The following RARB variants were observed in gnomAD, a reference collection of about 807,000 sequenced individuals.
The protein encoded by RARB is HBV-activated protein.
RARB carries 17 observed loss-of-function variants against 51.9 expected under a neutral mutation model. That is an observed-to-expected ratio of 0.33 (90% CI 0.22 to 0.49). The LOEUF (loss-of-function observed/expected upper bound fraction) is 0.49, where lower values mean the gene tolerates loss of function less well. RARB is among the 20% of genes least tolerant of loss of function. The probability of loss-of-function intolerance (pLI) is 0.99; values close to 1 mark genes in which losing one functional copy is unlikely to be tolerated. For missense variants in RARB, 369 were observed against 550.8 expected (o/e 0.67, Z 3.30); for synonymous variants, 215 against 195.4 (o/e 1.10, Z -0.84).
chr3:25,576,045 C>T (rs1280829983), intron 4 of RARB, among the ~76,000 whole-genome samples: 1 of 149,466 alleles, frequency 6.7e-6, no homozygotes, highest in East Asian at 2.1e-4. Context: ...TAAGTACCCA[C>T]ATTCTTCCTC....
At chr3:25,412,898 A>G (rs1655467465) in intron 5 of RARB, among the ~76,000 whole-genome samples, 2 of 152,102 alleles carry the variant, frequency 1.3e-5, no homozygotes, top group South Asian at 4.1e-4. Context: ...GCATGCCTGT[A>G]ATCCCACCTA....
chr3:25,457,885 C>T (rs1694995481), intron 1 of RARB, among the ~76,000 whole-genome samples: 1 of 152,164 alleles, frequency 6.6e-6, no homozygotes, highest in African/African-American at 2.4e-5. Context: ...CGCTCCCCAC[C>T]TTCCTTCTGT....
intron 3 of RARB, among the ~76,000 whole-genome samples, chr3:25,092,968 A>G (rs892647018): frequency 4.6e-4 from 70 of 152,188 alleles, no homozygotes; most frequent in African/African-American, 1.7e-3. Context: ...AGGGGAATTT[A>G]AATTATGATA....
At chr3:25,154,257 C>T (rs1334861829) in intron 4 of RARB, among the ~76,000 whole-genome samples, 2 of 152,210 alleles carry the variant, frequency 1.3e-5, no homozygotes, top group East Asian at 1.9e-4. Context: ...TCCAAAACTA[C>T]GTTCATCCTT....
intron 3 of RARB, among the ~76,000 whole-genome samples, chr3:25,556,699 G>A (rs1700073129): frequency 6.6e-6 from 1 of 152,240 alleles, no homozygotes; most frequent in South Asian, 2.1e-4. Context: ...GCTGCTGTAA[G>A]AATTAAATGA....
intron 3 of RARB, among the ~76,000 whole-genome samples, chr3:25,127,362 C>G (rs2125331510): frequency 6.6e-6 from 1 of 152,264 alleles, no homozygotes; most frequent in South Asian, 2.1e-4. Context: ...TCCTTCCTGC[C>G]TTGGAGCTTT....
At chr3:25,570,743 T>C (rs1373387928) in intron 4 of RARB, among the ~76,000 whole-genome samples, 1 of 152,224 alleles carries the variant, frequency 6.6e-6, no homozygotes, top group East Asian at 1.9e-4. Context: ...ACTCAGTAGA[T>C]ATTTGATGAA....
intron 2 of RARB, among the ~76,000 whole-genome samples, chr3:25,053,080 C>G (rs139053971): frequency 6.6e-6 from 1 of 152,024 alleles, no homozygotes; most frequent in African/African-American, 2.4e-5. Flanking sequence ...TGGAAAGTAT[C>G]CTTAAGGAAA....
chr3:25,248,761 G>A (rs1595161), intron 5 of RARB, among the ~76,000 whole-genome samples: 63,672 of 151,864 alleles, frequency 0.42, 14,933 homozygotes, highest in African/African-American at 0.64. Context: ...GTATCATTCT[G>A]TTATCTCCTG....
At chr3:25,063,262 C>A (rs1478271480) in intron 3 of RARB, among the ~76,000 whole-genome samples, 1 of 151,978 alleles carries the variant, frequency 6.6e-6, no homozygotes, top group Non-Finnish European at 1.5e-5. Flanking sequence ...TTATTCCCCT[C>A]TCAATTTTGC....
At chr3:25,188,281 G>C (rs960935481) in intron 5 of RARB, among the ~76,000 whole-genome samples, 1 of 152,040 alleles carries the variant, frequency 6.6e-6, no homozygotes, top group African/African-American at 2.4e-5. Context: ...AGAGCTTGGT[G>C]CTTGGCACAT....
chr3:25,297,122 C>T (rs1000694826), intron 5 of RARB, among the ~76,000 whole-genome samples: 2 of 152,114 alleles, frequency 1.3e-5, no homozygotes, highest in Admixed American at 1.3e-4. Flanking sequence ...TCAGGAAATC[C>T]ATGAACTCTG....
chr3:25,563,918 T>C (rs1399075128), intron 3 of RARB, among the ~76,000 whole-genome samples: 1 of 150,614 alleles, frequency 6.6e-6, no homozygotes, highest in Non-Finnish European at 1.5e-5. Context: ...GAGAACTTTA[T>C]GGACAAAAAT....
intron 5 of RARB, among the ~76,000 whole-genome samples, chr3:25,249,980 T>C (rs1037776590): frequency 5.3e-5 from 4 of 74,868 alleles, no homozygotes; most frequent in African/African-American, 3.2e-4. Context: ...AGTGGTGGGC[T>C]CGGTGGGTGG....
chr3:24,984,667 C>T (rs1696748783), intron 2 of RARB, among the ~76,000 whole-genome samples: 1 of 152,132 alleles, frequency 6.6e-6, no homozygotes, highest in African/African-American at 2.4e-5. Flanking sequence ...AAATCTAGAA[C>T]TCTAATGTAC....
At chr3:25,440,697 G>A (rs570696563) in intron 1 of RARB, among the ~76,000 whole-genome samples, 8 of 151,782 alleles carry the variant, frequency 5.3e-5, no homozygotes, top group Non-Finnish European at 8.8e-5. Context: ...CGCTTGAACC[G>A]GGGAGGCGGA....
At chr3:25,331,719 A>C (rs998054270) in intron 5 of RARB, among the ~76,000 whole-genome samples, 1 of 152,194 alleles carries the variant, frequency 6.6e-6, no homozygotes, top group African/African-American at 2.4e-5. Context: ...CCCTTCAAAA[A>C]ATCAATGAAT....
intron 2 of RARB, among the ~76,000 whole-genome samples, chr3:24,870,770 CAT>C (rs1702932119): frequency 6.6e-6 from 1 of 152,014 alleles, no homozygotes; most frequent in African/African-American, 2.4e-5. Context: ...ATAATAGGCA[CAT>C]ATATTTATAG....
At chr3:25,058,744 A>G (rs919756418) in intron 2 of RARB, among the ~76,000 whole-genome samples, 1 of 151,770 alleles carries the variant, frequency 6.6e-6, no homozygotes, top group African/African-American at 2.4e-5. Context: ...TATGCAATTG[A>G]TCAAAAATTT....
Sources: allele counts gnomAD v4.1 joint callset (sites outside exome capture counted in the v4.1 genomes callset), GRCh38; gene constraint gnomAD v4.1.1; transcripts MANE v1.5; gene names NCBI Gene and HGNC (gene_info 2026-07-23, HGNC 2026-07-21).